Variants in PTPRD observed in about 807,000 individuals in gnomAD.
The protein encoded by PTPRD is protein tyrosine phosphatase receptor type D.
In PTPRD, 34 loss-of-function variants were observed where a neutral mutation model predicts 214.5. The ratio of observed to expected loss-of-function variants is 0.16; its 90% CI spans 0.12 to 0.21. PTPRD has a LOEUF of 0.21. Among genes scored for constraint, PTPRD ranks in the 10% least tolerant of loss-of-function variants. The probability of loss-of-function intolerance (pLI) is 1.00; values close to 1 mark genes in which losing one functional copy is unlikely to be tolerated. For missense variants in PTPRD, 2,545 were observed against 2,398.7 expected, an observed-to-expected ratio of 1.06 and a Z score of -1.27; for synonymous variants, 1,128 against 845.7, an observed-to-expected ratio of 1.33 and a Z score of -5.79.
At chr9:9,963,968 T>C (rs1936367) in intron 4 of PTPRD, among the ~76,000 whole-genome samples, 38,813 of 151,972 alleles carry the variant, frequency 0.26, 5,848 homozygotes, top group East Asian at 0.55. Flanking sequence ...AGCATTTCTT[T>C]CATGCATTAA....
intron 35 of PTPRD, among the ~76,000 whole-genome samples, chr9:8,430,207 T>C (rs1247863669): frequency 6.6e-6 from 1 of 152,126 alleles, no homozygotes; most frequent in African/African-American, 2.4e-5. Flanking sequence ...TAGTTTTACA[T>C]TTTCTCTAAC....
intron 11 of PTPRD, among the ~76,000 whole-genome samples, chr9:8,831,898 T>C (rs7861223): frequency 0.019 from 2,228 of 115,194 alleles, 43 homozygotes; most frequent in African/African-American, 0.085. Context: ...ATATTCTATT[T>C]CTCCTTTAGT....
intron 9 of PTPRD, among the ~76,000 whole-genome samples, chr9:9,386,901 T>C (rs904192672): frequency 6.6e-6 from 1 of 152,092 alleles, no homozygotes; most frequent in African/African-American, 2.4e-5. Context: ...ACAGAGGCAT[T>C]TTCCCTTATC....
At chr9:10,166,573 TAATGTGA>T in intron 3 of PTPRD, among the ~76,000 whole-genome samples, 1 of 152,136 alleles carries the variant, frequency 6.6e-6, no homozygotes, top group African/African-American at 2.4e-5. Flanking sequence ...AGTGGCTGAC[TAATGTGA>T]ATTTCTCAAT....
rs560218570 is a variant in PTPRD at position 8,750,101 on chromosome 9, CA to C, written c.-103-16156del. Among the ~76,000 whole-genome samples the C allele has an allele frequency of 3.2e-3, 427 of 134,134 alleles. 2 individuals are homozygous for C. The highest frequency in any genetic ancestry group is 7.6e-3 in the Middle Eastern group (2 of 262). 88.0% of individuals were successfully genotyped at this position (134,134 alleles called of 152,430 possible). On this transcript the variant is annotated intron_variant, in intron 11 of 45. Transcript: ENST00000381196. The stretch of plus-strand genomic sequence containing the variant: ...TGGGCAACAGCATGAGACTCTGTCT[CA>C]AAAAAAAAAAAGCAAGTTCCCTGAT...
intron 5 of PTPRD, among the ~76,000 whole-genome samples, chr9:9,877,368 G>T (rs113153540): frequency 6.6e-6 from 1 of 152,102 alleles, no homozygotes; most frequent in African/African-American, 2.4e-5. Context: ...GAAGATTTGA[G>T]GCAAAGACTT....
intron 2 of PTPRD, among the ~76,000 whole-genome samples, chr9:10,433,424 A>G (rs370355376): frequency 3.3e-5 from 5 of 152,128 alleles, no homozygotes; most frequent in African/African-American, 1.2e-4. Context: ...AGGGACTCCT[A>G]CACTGTAAAG....
intron 2 of PTPRD, among the ~76,000 whole-genome samples, chr9:10,382,427 C>T (rs1046667298): frequency 6.6e-6 from 1 of 151,866 alleles, no homozygotes; most frequent in Non-Finnish European, 1.5e-5. Flanking sequence ...GATTCTAGAA[C>T]TGACTTGCCA....
chr9:8,906,192 A>G (rs1407797220), intron 11 of PTPRD, among the ~76,000 whole-genome samples: 1 of 152,240 alleles, frequency 6.6e-6, no homozygotes, highest in Admixed American at 6.5e-5. Context: ...TTTGAGTGCC[A>G]TTAAAACAAA....
chr9:9,875,998 T>A (rs1180797029), intron 5 of PTPRD, among the ~76,000 whole-genome samples: 6 of 151,980 alleles, frequency 3.9e-5, no homozygotes, highest in Non-Finnish European at 1.5e-5. Context: ...TTTTGCCTGG[T>A]GAGTTTGCAG....
In PTPRD at chr9:8,315,263, C is replaced by T. The variant is rs553175757; in HGVS notation, c.*2611G>A. 8.6e-6 allele frequency: 2 copies of T among 232,622 alleles called. No individual in the cohort carries two copies. Among genetic ancestry groups the T allele is most frequent in the East Asian group, 6.0e-5 (1 of 16,544 alleles). 14.4% of individuals were successfully genotyped at this position (232,622 alleles called of 1,614,324 possible). A position where few individuals can be genotyped will look rare whatever the true frequency, so the allele number is the denominator to read the frequency against. On this transcript the variant is annotated 3_prime_UTR_variant, in exon 46 of 46. Transcript: ENST00000381196. ...TTCCCGCAATAGTCTCCGCCTCGTT[C>T]GTCTATGGTATGCATCCCATTCATT...
rs2098668839 is a variant in PTPRD at position 8,732,338 on chromosome 9, T to A, written c.64+1442A>T. Among the ~76,000 whole-genome samples the A allele has an allele frequency of 3.9e-5, 6 of 152,208 alleles. No individual in the cohort carries two copies. In the South Asian group the frequency reaches 1.2e-3, roughly 31 times the overall value. On this transcript the variant is annotated intron_variant, in intron 12 of 45. Transcript: ENST00000381196. ...AAAAACTCTAGCTGTGATCTGACATTAAACTGGGCTCCCAGGGTCTAAATG... is the reference window on the plus strand; with the variant it reads ...AAAAACTCTAGCTGTGATCTGACATAAAACTGGGCTCCCAGGGTCTAAATG...
chr9:9,142,921 G>GTA (rs2099862734), intron 10 of PTPRD, among the ~76,000 whole-genome samples: 1 of 151,978 alleles, frequency 6.6e-6, no homozygotes, highest in Non-Finnish European at 1.5e-5. Context: ...TCAACCCCTA[G>GTA]GGAACACAGT....
At chr9:8,549,817 T>A (rs530551526) in intron 14 of PTPRD, among the ~76,000 whole-genome samples, 6 of 152,170 alleles carry the variant, frequency 3.9e-5, no homozygotes, top group Non-Finnish European at 8.8e-5. Context: ...TTTTTAAAAA[T>A]TATTACAAAA....
chr9:9,617,583 T>G (rs189223937), intron 7 of PTPRD, among the ~76,000 whole-genome samples: 118 of 152,142 alleles, frequency 7.8e-4, no homozygotes, highest in African/African-American at 2.7e-3. Flanking sequence ...CTAGGTAAAC[T>G]GAGAAGCTTC....
intron 14 of PTPRD, among the ~76,000 whole-genome samples, chr9:8,542,949 T>C (rs2078870006): frequency 6.6e-6 from 1 of 152,138 alleles, no homozygotes; most frequent in African/African-American, 2.4e-5. Context: ...CATGCAAGGG[T>C]AGTTTCTCCC....
At chr9:9,727,992 A>G (rs990354969) in intron 7 of PTPRD, among the ~76,000 whole-genome samples, 3 of 152,146 alleles carry the variant, frequency 2.0e-5, no homozygotes, top group African/African-American at 7.2e-5. Flanking sequence ...AGAGGGACCC[A>G]TGGGGAGGCA....
intron 9 of PTPRD, among the ~76,000 whole-genome samples, chr9:9,317,914 G>C (rs908135441): frequency 6.6e-6 from 1 of 152,116 alleles, no homozygotes; most frequent in South Asian, 2.1e-4. Context: ...GCTCACGCCT[G>C]TAATCCCAGC....
At chr9:9,471,205 G>C (rs561691080) in intron 8 of PTPRD, among the ~76,000 whole-genome samples, 7 of 152,212 alleles carry the variant, frequency 4.6e-5, no homozygotes, top group African/African-American at 1.2e-4. Context: ...GACTACATTT[G>C]TGTGCATCTA....
Sources: allele counts gnomAD v4.1 joint callset (sites outside exome capture counted in the v4.1 genomes callset), GRCh38; gene constraint gnomAD v4.1.1; transcripts MANE v1.5; gene names NCBI Gene and HGNC (gene_info 2026-07-23, HGNC 2026-07-21).